The following ATP11C variants were observed in gnomAD, a reference collection of about 807,000 sequenced individuals.
ATP11C encodes the protein phospholipid-transporting ATPase IG.
In ATP11C, 36 loss-of-function variants were observed where a neutral mutation model predicts 97.4. That is an observed-to-expected ratio of 0.37 (90% CI 0.28 to 0.49). ATP11C has a LOEUF of 0.49. Ranked by LOEUF, ATP11C falls within the 20% of genes least tolerant of loss-of-function variation. The pLI is 0.98. For missense variants in ATP11C, 730 were observed against 824.6 expected (o/e 0.89, Z 1.40); for synonymous variants, 275 against 290.9 (o/e 0.95, Z 0.56).
intron 1 of ATP11C, among the ~76,000 whole-genome samples, chrX:139,858,134 C>T (rs2084123264): frequency 1.8e-5 from 2 of 113,187 alleles, no homozygotes; most frequent in South Asian, 7.1e-4. Context: ...AGGACCTCGG[C>T]AGATGCAGGC....
chrX:139,774,443 A>T (rs1416355586), intron 19 of ATP11C, among the ~76,000 whole-genome samples: 1 of 112,344 alleles, frequency 8.9e-6, no homozygotes, highest in Non-Finnish European at 1.9e-5. Flanking sequence ...AACATTTAAA[A>T]ATTGAGCTAT....
At chrX:139,877,558 C>A (rs1447362153) in intron 1 of ATP11C, among the ~76,000 whole-genome samples, 1 of 111,383 alleles carries the variant, frequency 9.0e-6, no homozygotes, top group Non-Finnish European at 1.9e-5. Flanking sequence ...GGGCCTTGCA[C>A]AGAAGCAATT....
intron 1 of ATP11C, among the ~76,000 whole-genome samples, chrX:139,924,462 G>A (rs1312007730): frequency 4.5e-5 from 5 of 111,695 alleles, no homozygotes; most frequent in African/African-American, 1.6e-4. Flanking sequence ...TTTGCGTGAT[G>A]GAAAGAGTTA....
At chrX:139,732,118 C>T (rs183516191) in intron 28 of ATP11C, among the ~76,000 whole-genome samples, 6 of 110,305 alleles carry the variant, frequency 5.4e-5, no homozygotes, top group East Asian at 2.9e-4. Flanking sequence ...GTGCCGGTGC[C>T]GTATTATCAA....
intron 1 of ATP11C, among the ~76,000 whole-genome samples, chrX:139,882,529 C>T (rs1028893125): frequency 1.8e-5 from 2 of 111,322 alleles, no homozygotes; most frequent in African/African-American, 6.5e-5. Context: ...CAGACTGTTG[C>T]TGGAAGTTGC....
At chrX:139,813,663 C>A (rs909495793) in intron 5 of ATP11C, among the ~76,000 whole-genome samples, 4 of 111,229 alleles carry the variant, frequency 3.6e-5, no homozygotes, top group African/African-American at 1.3e-4. Context: ...AGAAGCCAAT[C>A]TGAAAAGGCT....
chrX:139,758,018 A>G lies in ATP11C; in HGVS notation c.2641-151T>C, dbSNP rs781307722. On this transcript the variant is annotated intron_variant, in intron 22 of 29. Transcript: ENST00000682941. ...AAACCTCTATTCCACAGACATAAGG[A>G]AACAACTAAAACAATGATTAATTCA... 4.8e-5 allele frequency: 18 copies of G among 376,495 alleles called. No individual in the cohort carries two copies. In the South Asian group the frequency reaches 1.5e-3, roughly 31 times the overall value. The allele number at this position is 376,495 out of a possible 1,213,427, so 31.0% of individuals were successfully genotyped here. A position where few individuals can be genotyped will look rare whatever the true frequency, so the allele number is the denominator to read the frequency against.
At chrX:139,794,159 G>C (rs1444841976) in intron 12 of ATP11C, among the ~76,000 whole-genome samples, 1 of 112,248 alleles carries the variant, frequency 8.9e-6, no homozygotes, top group Admixed American at 9.5e-5. Flanking sequence ...GAGCTGAGCA[G>C]TCTACTTCCT....
rs1269965176 is a variant in ATP11C at position 139,757,818 on chromosome X, A to G, written c.2690T>C (p.Phe897Ser). The change falls in exon 23 of 30, where the codon TTC becomes TCC. Residue 897 changes from phenylalanine to serine, a missense_variant. Coordinates refer to ENST00000682941, the MANE Select transcript of ATP11C (RefSeq NM_001353812.2). ...ACTTGAGAAACAAACCTGTTGTGAG[A>G]ATCCACAGAAGAACTGGTACAAAAA... ...PQFLYQFFCG[F>S]SQQPLYDAAY... 8.4e-7 allele frequency: 1 copy of G among 1,187,493 alleles called. No individual in the cohort carries two copies. Among genetic ancestry groups the G allele is most frequent in the East Asian group, 3.0e-5 (1 of 33,617 alleles).
chrX:139,759,334 T>A (rs1397728865), intron 22 of ATP11C, among the ~76,000 whole-genome samples: 1 of 111,880 alleles, frequency 8.9e-6, no homozygotes, highest in African/African-American at 3.2e-5. Context: ...ACCGATTGAA[T>A]AAACAACTTA....
chrX:139,793,198 T>C (rs1407112130), intron 12 of ATP11C, among the ~76,000 whole-genome samples: 1 of 111,803 alleles, frequency 8.9e-6, no homozygotes, highest in Non-Finnish European at 1.9e-5. Context: ...AAAACACATT[T>C]TGGGAGTTTT....
At chrX:139,792,719 CA>C (rs766351188) in intron 12 of ATP11C, among the ~76,000 whole-genome samples, 1 of 111,688 alleles carries the variant, frequency 9.0e-6, no homozygotes. Flanking sequence ...GAAAGAAAAA[CA>C]GGGTCTTAGG....
chrX:139,785,335 T>A (rs974915237), intron 15 of ATP11C, 36 bp from the exon 16 acceptor site: 23 of 996,623 alleles, frequency 2.3e-5, no homozygotes, highest in Non-Finnish European at 3.1e-5. Flanking sequence ...AAACCTAGAA[T>A]ATACTGAGAA....
chrX:139,774,268 C>A (rs1279127519), intron 19 of ATP11C, among the ~76,000 whole-genome samples: 2 of 111,808 alleles, frequency 1.8e-5, no homozygotes, highest in African/African-American at 6.5e-5. Context: ...CCATTTGGAG[C>A]TCTGGGGTAT....
At chrX:139,901,810 G>T (rs1025228814) in intron 1 of ATP11C, among the ~76,000 whole-genome samples, 11 of 111,449 alleles carry the variant, frequency 9.9e-5, no homozygotes, top group Non-Finnish European at 2.1e-4. Flanking sequence ...AACCTTGGTT[G>T]TCTAAAACGG....
intron 12 of ATP11C, among the ~76,000 whole-genome samples, chrX:139,790,083 A>G (rs1035934829): frequency 4.5e-5 from 5 of 110,266 alleles, no homozygotes; most frequent in Non-Finnish European, 9.5e-5. Flanking sequence ...CTTCTCATTT[A>G]AGTTAACCTT....
At chrX:139,783,073 T>C (rs2082497523) in intron 17 of ATP11C, 91 bp downstream of exon 17, 1 of 647,421 alleles carries the variant, frequency 1.5e-6, no homozygotes, top group African/African-American at 2.2e-5. Flanking sequence ...AAAATGTATT[T>C]AAACTGTCAT....
intron 1 of ATP11C, among the ~76,000 whole-genome samples, chrX:139,853,598 A>C (rs768461309): frequency 9.1e-6 from 1 of 110,242 alleles, no homozygotes; most frequent in Non-Finnish European, 1.9e-5. Context: ...TGACCCTATA[A>C]CACTCCAATA....
intron 8 of ATP11C, 118 bp downstream of exon 8, chrX:139,799,942 G>A (rs773669783): frequency 4.9e-5 from 31 of 630,408 alleles, no homozygotes; most frequent in South Asian, 1.0e-4. Context: ...GTGAGCTACC[G>A]CACCCGGCCT....
Sources: allele counts gnomAD v4.1 joint callset (sites outside exome capture counted in the v4.1 genomes callset), GRCh38; gene constraint gnomAD v4.1.1; transcripts MANE v1.5; gene names NCBI Gene and HGNC (gene_info 2026-07-23, HGNC 2026-07-21).